The following SGO2 variants were observed in gnomAD, a reference collection of about 807,000 sequenced individuals.
The protein encoded by SGO2 is shugoshin 2.
SGO2 carries 68 observed loss-of-function variants against 99.5 expected under a neutral mutation model. The observed-to-expected ratio is 0.68, with a 90% confidence interval of 0.56 to 0.84. The LOEUF (loss-of-function observed/expected upper bound fraction) is 0.84, where lower values mean the gene tolerates loss of function less well. Ranked by LOEUF, SGO2 falls within the 40% of genes least tolerant of loss-of-function variation. The pLI, the probability that SGO2 is intolerant of heterozygous loss-of-function variation, is 0.00. For missense variants in SGO2, 1,350 were observed against 1,436.7 expected (o/e 0.94, Z 0.97); for synonymous variants, 457 against 487.1 (o/e 0.94, Z 0.81).
At chr2:200,563,608 G>T (rs909286234) in intron 5 of SGO2, among the ~76,000 whole-genome samples, 12 of 152,256 alleles carry the variant, frequency 7.9e-5, no homozygotes, top group African/African-American at 2.9e-4. Flanking sequence ...TTTTTCTATT[G>T]ATTGGAAGAG....
At chr2:200,551,259 G>T (rs1024702209) in intron 5 of SGO2, among the ~76,000 whole-genome samples, 1 of 152,132 alleles carries the variant, frequency 6.6e-6, no homozygotes, top group African/African-American at 2.4e-5. Flanking sequence ...TGTGGATAAA[G>T]TATGGAAGAT....
intron 5 of SGO2, among the ~76,000 whole-genome samples, chr2:200,549,929 A>T (rs1230396791): frequency 2.0e-5 from 3 of 152,226 alleles, no homozygotes; most frequent in Non-Finnish European, 4.4e-5. Context: ...AAGAAGTCAA[A>T]TTAGCCTTGT....
intron 5 of SGO2, among the ~76,000 whole-genome samples, chr2:200,569,027 T>C (rs1372364978): frequency 6.6e-6 from 1 of 151,972 alleles, no homozygotes; most frequent in Non-Finnish European, 1.5e-5. Flanking sequence ...ATTTTTCTTA[T>C]TATAAATTAT....
intron 5 of SGO2, among the ~76,000 whole-genome samples, chr2:200,547,270 T>C (rs547775272): frequency 6.6e-6 from 1 of 152,292 alleles, no homozygotes; most frequent in East Asian, 1.9e-4. Flanking sequence ...CACCCAAGAA[T>C]ATTGTGTCCA....
chr2:200,532,450 C>T lies in SGO2; in HGVS notation c.-2-524C>T, dbSNP rs1477362306. Reference sequence around the variant, plus strand: ...CCAGTCACAGTTAATCGCTTCTCCTCTGCATTGTGTATTGTAGCCATTACT... The same window carrying T: ...CCAGTCACAGTTAATCGCTTCTCCTTTGCATTGTGTATTGTAGCCATTACT... On this transcript the variant is annotated intron_variant, in intron 1 of 8. Transcript: ENST00000357799. The T allele has an allele frequency of 5.1e-6, 5 of 984,384 alleles. No homozygotes were observed. The South Asian group carries it at 1.9e-4, about 37-fold the overall frequency. 61.0% of individuals were successfully genotyped at this position (984,384 alleles called of 1,614,324 possible). A position where few individuals can be genotyped will look rare whatever the true frequency, so the allele number is the denominator to read the frequency against.
chr2:200,573,759 C>T lies in SGO2; in HGVS notation c.3413C>T (p.Ser1138Phe), dbSNP rs764126887. The change falls in exon 7 of 9, where the codon TCT (serine) becomes TTT (phenylalanine). Residue 1138 changes from serine (S) to phenylalanine (F), a missense_variant. Transcript: ENST00000357799. The stretch of plus-strand genomic sequence containing the variant: ...GACTTTTACACAAAGGCATTTAGAT[C>T]TTTGTCTGAGATACATTCACCTAAC... ...KPDFYTKAFR[S>F]LSEIHSPNIQ... 5 of 1,611,748 alleles carry T rather than the reference C, an allele frequency of 3.1e-6. No homozygotes were observed. The Admixed American group carries it at 6.7e-5, about 22-fold the overall frequency.
intron 1 of SGO2, among the ~76,000 whole-genome samples, chr2:200,529,366 G>T (rs1482444407): frequency 6.6e-6 from 1 of 152,072 alleles, no homozygotes; most frequent in Non-Finnish European, 1.5e-5. Context: ...CATGCGCTGG[G>T]GAATATATCA....
In SGO2 at chr2:200,569,753, T is replaced by TC. The variant is rs1466983565; in HGVS notation, c.567dup (p.Ser190LeufsTer14). 1 of 1,612,828 alleles carries TC rather than the reference T, an allele frequency of 6.2e-7. No homozygotes were observed. Among genetic ancestry groups the TC allele is most frequent in the Non-Finnish European group, 8.5e-7 (1 of 1,179,066 alleles). On this transcript the variant is annotated frameshift_variant, in exon 6 of 9. Coordinates refer to ENST00000357799, the MANE Select transcript of SGO2 (RefSeq NM_152524.6). LOFTEE classifies it high-confidence loss of function. ...TTAAATCAAAGACATTACCTGATATTCCCTCTTCAGGATCAACAACACAAC... is the reference window on the plus strand; with the variant it reads ...TTAAATCAAAGACATTACCTGATATTCCCCTCTTCAGGATCAACAACACAAC...
chr2:200,560,047 G>GT (rs2106331830), intron 5 of SGO2, among the ~76,000 whole-genome samples: 1 of 152,218 alleles, frequency 6.6e-6, no homozygotes, highest in African/African-American at 2.4e-5. Flanking sequence ...TATGGCAGCT[G>GT]TGTCTAGTTT....
intron 1 of SGO2, among the ~76,000 whole-genome samples, chr2:200,531,287 T>A (rs375034024): frequency 6.6e-6 from 1 of 152,054 alleles, no homozygotes; most frequent in Non-Finnish European, 1.5e-5. Context: ...AGAATAACAA[T>A]GAGTGAGGAT....
At chr2:200,552,110 T>C (rs1401011656) in intron 5 of SGO2, among the ~76,000 whole-genome samples, 2 of 152,222 alleles carry the variant, frequency 1.3e-5, no homozygotes, top group Non-Finnish European at 2.9e-5. Flanking sequence ...ATAAACATGA[T>C]ATATCACTCT....
At chr2:200,569,571 G>A (rs1367549051) in intron 5 of SGO2, 92 bp from the exon 6 acceptor site, 6 of 936,774 alleles carry the variant, frequency 6.4e-6, no homozygotes, top group South Asian at 3.7e-5. Flanking sequence ...TTTGTGGTTC[G>A]ATCTTAAATA....
At chr2:200,576,687 C>A (rs938399538) in intron 8 of SGO2, among the ~76,000 whole-genome samples, 1 of 152,160 alleles carries the variant, frequency 6.6e-6, no homozygotes, top group African/African-American at 2.4e-5. Context: ...AAACCCTGTA[C>A]CCTTTAGTTA....
intron 4 of SGO2, among the ~76,000 whole-genome samples, chr2:200,536,459 T>G (rs2031695622): frequency 6.6e-6 from 1 of 152,010 alleles, no homozygotes; most frequent in Non-Finnish European, 1.5e-5. Flanking sequence ...GACTTTGGGG[T>G]TTTTGTTTTT....
intron 1 of SGO2, 104 bp from the exon 2 acceptor site, chr2:200,532,870 C>A: frequency 8.5e-7 from 1 of 1,175,424 alleles, no homozygotes; most frequent in Non-Finnish European, 1.2e-6. Context: ...ATACTTAATG[C>A]ACAAAGTATA....
In SGO2 at chr2:200,570,358, C is replaced by T. The variant is rs1017756783; in HGVS notation, c.703+466C>T. ...ATTTACATTTTATTTACATAGTATT[C>T]CTAAATGATAATCTGTGGTGTAGTC... is the stretch of plus-strand genomic sequence containing the variant. On this transcript the variant is annotated intron_variant, in intron 6 of 8. Coordinates refer to ENST00000357799, the MANE Select transcript of SGO2 (RefSeq NM_152524.6). The surrounding 1 kb of genome is among the most constrained non-coding windows in gnomAD (Gnocchi z 4.4). Among the ~76,000 whole-genome samples, 2 of 151,616 alleles carry T rather than the reference C, an allele frequency of 1.3e-5. No homozygotes were observed. The highest frequency in any genetic ancestry group is 4.8e-5 in the African/African-American group (2 of 41,296).
At position 200,583,994 on chromosome 2, in the gene SGO2, A is replaced by C. The variant is rs927003047; in HGVS notation, c.*530A>C. ...ATGTAATCTGATGACTTAGAGGAGG[A>C]GATTAACCTTTCAGGCTCTTTTGAA... On this transcript the variant is annotated 3_prime_UTR_variant, in exon 9 of 9. Transcript: ENST00000357799. 2.0e-5 allele frequency among the ~76,000 whole-genome samples: 3 copies of C among 152,170 alleles called. No individual in the cohort carries two copies. The highest frequency in any genetic ancestry group is 4.4e-5 in the Non-Finnish European group (3 of 68,034).
intron 5 of SGO2, among the ~76,000 whole-genome samples, chr2:200,566,535 G>A (rs1373178801): frequency 1.3e-5 from 2 of 152,194 alleles, no homozygotes; most frequent in Non-Finnish European, 2.9e-5. Context: ...CACTTGAGGC[G>A]ATAGTCTGTC....
In SGO2 at chr2:200,562,020, G is replaced by T. The variant is rs372091047; in HGVS notation, c.474-7643G>T. 3.7e-3 allele frequency among the ~76,000 whole-genome samples: 563 copies of T among 152,352 alleles called. 2 individuals are homozygous for T. Among genetic ancestry groups the T allele is most frequent in the Non-Finnish European group, 6.6e-3 (449 of 68,036 alleles). ...ATTTTGTAGGTTGCCTGTTCACTCT[G>T]ATGGTAGTTTCTTTTGCTGTGCAGA... On this transcript the variant is annotated intron_variant, in intron 5 of 8. Coordinates refer to ENST00000357799, the MANE Select transcript of SGO2 (RefSeq NM_152524.6).
Sources: allele counts gnomAD v4.1 joint callset (sites outside exome capture counted in the v4.1 genomes callset), GRCh38; gene constraint gnomAD v4.1.1; non-coding constraint Gnocchi (gnomAD v3.1); transcripts MANE v1.5; gene names NCBI Gene and HGNC (gene_info 2026-07-23, HGNC 2026-07-21).